Variants in KCNN2 observed in about 807,000 individuals in gnomAD.
KCNN2 encodes small conductance calcium-activated potassium channel protein 2.
Under a neutral mutation model 55.5 loss-of-function variants are expected in KCNN2, and 24 were observed. The ratio of observed to expected loss-of-function variants is 0.43; its 90% CI spans 0.31 to 0.61. The LOEUF (loss-of-function observed/expected upper bound fraction) is 0.61, where lower values mean the gene tolerates loss of function less well. KCNN2 is among the 20% of genes least tolerant of loss of function. The pLI is 0.08. For synonymous variants in KCNN2, 431 were observed against 336.1 expected (o/e 1.28, Z -3.09); for missense variants, 754 against 853.6 (o/e 0.88, Z 1.45).
At chr5:114,245,219 C>T (rs184024405) in intron 2 of KCNN2, among the ~76,000 whole-genome samples, 39 of 152,274 alleles carry the variant, frequency 2.6e-4, no homozygotes, top group African/African-American at 6.7e-4. Context: ...AAATCAAAAA[C>T]TCTAGTGCTG....
chr5:114,095,844 AC>A (rs111361174), intron 1 of KCNN2, among the ~76,000 whole-genome samples: 23,520 of 151,828 alleles, frequency 0.15, 2,050 homozygotes, highest in African/African-American at 0.23. Flanking sequence ...CCATATATGC[AC>A]CTGCTGTATC....
intron 2 of KCNN2, among the ~76,000 whole-genome samples, chr5:114,374,169 G>C (rs1757865152): frequency 6.6e-6 from 1 of 152,054 alleles, no homozygotes; most frequent in South Asian, 2.1e-4. Context: ...CCCTTTCTAT[G>C]TTACATTAAC....
chr5:114,490,740 T>G (rs1215751590), intron 6 of KCNN2: 2 of 398,068 alleles, frequency 5.0e-6, no homozygotes, highest in Non-Finnish European at 8.9e-6. Context: ...TTGCAGAATT[T>G]TCTACTGGCT....
intron 1 of KCNN2, among the ~76,000 whole-genome samples, chr5:114,125,726 T>G (rs776329987): frequency 6.6e-6 from 1 of 152,136 alleles, no homozygotes; most frequent in Non-Finnish European, 1.5e-5. Flanking sequence ...GATCAATGAT[T>G]GGTTTATTCT....
chr5:114,324,659 G>A (rs4705661), intron 2 of KCNN2, among the ~76,000 whole-genome samples: 45,556 of 152,126 alleles, frequency 0.3, 7,117 homozygotes, highest in Non-Finnish European at 0.35. Context: ...AAGCCACTAA[G>A]TTTGTGATAA....
At chr5:114,461,091 C>T (rs1429209254) in intron 3 of KCNN2, among the ~76,000 whole-genome samples, 1 of 152,096 alleles carries the variant, frequency 6.6e-6, no homozygotes, top group East Asian at 1.9e-4. Flanking sequence ...CCACGTCCTC[C>T]CATTGAAGCT....
intron 2 of KCNN2, among the ~76,000 whole-genome samples, chr5:114,258,710 C>T (rs1301626449): frequency 6.6e-6 from 1 of 152,136 alleles, no homozygotes; most frequent in Non-Finnish European, 1.5e-5. Context: ...CATCGTGGTG[C>T]TTGGGACACT....
chr5:114,117,562 C>T (rs1012188290), intron 1 of KCNN2, among the ~76,000 whole-genome samples: 5 of 152,090 alleles, frequency 3.3e-5, no homozygotes, highest in Non-Finnish European at 2.9e-5. Flanking sequence ...TTGCTTGAGC[C>T]GTGGATTGTC....
chr5:114,108,076 C>T (rs971146854), intron 1 of KCNN2, among the ~76,000 whole-genome samples: 1 of 150,386 alleles, frequency 6.6e-6, no homozygotes, highest in African/African-American at 2.5e-5. Flanking sequence ...TGGTGGCTCT[C>T]TGTCTCTATT....
At chr5:114,253,951 T>C (rs56355821) in intron 2 of KCNN2, among the ~76,000 whole-genome samples, 1,550 of 152,346 alleles carry the variant, frequency 0.01, 21 homozygotes, top group African/African-American at 0.035. Context: ...AGGACCTTTA[T>C]TTCATAAACA....
chr5:114,177,823 G>A (rs1222467534), intron 1 of KCNN2, among the ~76,000 whole-genome samples: 1 of 151,862 alleles, frequency 6.6e-6, no homozygotes, highest in Non-Finnish European at 1.5e-5. Flanking sequence ...TCTCAGTTAA[G>A]GAAAAGAGGA....
chr5:114,140,086 A>G (rs148989048), intron 1 of KCNN2, among the ~76,000 whole-genome samples: 1,967 of 152,132 alleles, frequency 0.013, 153 homozygotes, highest in Admixed American at 0.12. Context: ...TTTTTTTCAT[A>G]TAGCTTAGTT....
At chr5:114,280,280 G>T (rs145333654) in intron 2 of KCNN2, among the ~76,000 whole-genome samples, 1 of 152,150 alleles carries the variant, frequency 6.6e-6, no homozygotes. Context: ...AGTTCCTTTT[G>T]CTGTGCAGAA....
chr5:114,479,350 CAA>C (rs1762118607), intron 5 of KCNN2, among the ~76,000 whole-genome samples: 2 of 151,690 alleles, frequency 1.3e-5, no homozygotes, highest in South Asian at 2.1e-4. Flanking sequence ...TTCAATTCAA[CAA>C]AAGAGTTAAC....
At chr5:114,340,937 T>C (rs1757004678) in intron 2 of KCNN2, among the ~76,000 whole-genome samples, 1 of 152,224 alleles carries the variant, frequency 6.6e-6, no homozygotes, top group South Asian at 2.1e-4. Flanking sequence ...TCATGCATTG[T>C]TTGTTTTTCT....
At chr5:114,439,729 A>C (rs1580837002) in intron 3 of KCNN2, among the ~76,000 whole-genome samples, 1 of 152,172 alleles carries the variant, frequency 6.6e-6, no homozygotes, top group African/African-American at 2.4e-5. Context: ...ACCTATAATA[A>C]AAGAATAGAC....
intron 1 of KCNN2, among the ~76,000 whole-genome samples, chr5:114,159,704 A>C (rs1225146725): frequency 1.3e-5 from 2 of 152,122 alleles, no homozygotes; most frequent in Non-Finnish European, 2.9e-5. Context: ...CTATTCAGAG[A>C]TTCAACTTCT....
chr5:114,174,012 C>T (rs531381451), intron 1 of KCNN2, among the ~76,000 whole-genome samples: 1 of 151,854 alleles, frequency 6.6e-6, no homozygotes, highest in Non-Finnish European at 1.5e-5. Flanking sequence ...AATGAAAGAG[C>T]CTTTACATGT....
intron 2 of KCNN2, among the ~76,000 whole-genome samples, chr5:114,262,049 G>A (rs1189628020): frequency 1.3e-5 from 2 of 152,154 alleles, no homozygotes; most frequent in Non-Finnish European, 2.9e-5. Context: ...AAATCTGAGA[G>A]TAGGGCTTTA....
Sources: gnomAD v4.1 joint callset for allele counts (sites outside exome capture counted in the v4.1 genomes callset) on GRCh38, gnomAD v4.1.1 for gene constraint, MANE v1.5 for transcripts, NCBI Gene and HGNC (gene_info 2026-07-23, HGNC 2026-07-21) for gene names.